Variants in IGSF5 observed in about 807,000 individuals in gnomAD.
IGSF5 encodes immunoglobulin superfamily 5 like.
A neutral mutation model predicts 39.4 loss-of-function variants in IGSF5; 41 were observed. The observed-to-expected ratio is 1.04, with a 90% CI of 0.81 to 1.35. The LOEUF (loss-of-function observed/expected upper bound fraction) is 1.35, where lower values mean the gene tolerates loss of function less well. Among genes scored for constraint, IGSF5 ranks in the 40% most tolerant of loss-of-function variants. IGSF5 has a pLI of 0.00. For missense variants in IGSF5, 487 were observed against 494.6 expected, an observed-to-expected ratio of 0.98 and a Z score of 0.15; for synonymous variants, 183 against 175.3, an observed-to-expected ratio of 1.04 and a Z score of -0.34.
intron 6 of IGSF5, among the ~76,000 whole-genome samples, chr21:39,789,608 G>A (rs1351653560): frequency 6.6e-6 from 1 of 151,900 alleles, no homozygotes; most frequent in Non-Finnish European, 1.5e-5. Flanking sequence ...AAAATTATAT[G>A]TATATAGTTG....
chr21:39,735,190 C>A, the IGSF5 span, among the ~76,000 whole-genome samples: 1 of 152,064 alleles, frequency 6.6e-6, no homozygotes, highest in African/African-American at 2.4e-5. Flanking sequence ...TTTTAAAAAA[C>A]AAATATATGC....
chr21:39,767,370 C>T (rs368169745), intron 3 of IGSF5, among the ~76,000 whole-genome samples: 6 of 152,260 alleles, frequency 3.9e-5, no homozygotes, highest in South Asian at 2.1e-4. Flanking sequence ...ATTCCCTGCA[C>T]ATTAAGTTGG....
chr21:39,762,732 A>G (rs2080067221), intron 2 of IGSF5, among the ~76,000 whole-genome samples: 1 of 152,206 alleles, frequency 6.6e-6, no homozygotes, highest in East Asian at 1.9e-4. Context: ...ATGTGATGCT[A>G]TGCCAGAGTC....
At position 39,765,685 on chromosome 21, in the gene IGSF5, T is replaced by C. The variant is rs1050479393; in HGVS notation, c.251T>C (p.Met84Thr). 1.2e-6 allele frequency: 2 copies of C among 1,614,110 alleles called. No homozygotes were observed. Among genetic ancestry groups the C allele is most frequent in the Non-Finnish European group, 1.7e-6 (2 of 1,180,014 alleles). ...SDMVVLSVRP[M>T]EPIITNDRFT... is the part of the protein sequence containing the mutation. ...ATGGTGGTGCTAAGCGTCAGGCCCA[T>C]GGAGCCCATCATCACCAATGACCGC... The change falls in exon 3 of 9, where the codon ATG (methionine) becomes ACG (threonine). Residue 84 changes from methionine to threonine, a missense_variant. Transcript: ENST00000380588.
chr21:39,746,966 G>T (rs527591276), intron 2 of IGSF5, among the ~76,000 whole-genome samples: 3 of 152,208 alleles, frequency 2.0e-5, no homozygotes, highest in Admixed American at 2.0e-4. Flanking sequence ...CCTAAGGAAG[G>T]TCAGCCCAAG....
At chr21:39,791,839 GTGCATA>G (rs2086967094) in intron 6 of IGSF5, 163 bp from the exon 7 acceptor site, 1 of 576,276 alleles carries the variant, frequency 1.7e-6, no homozygotes, top group South Asian at 2.5e-5. Context: ...GTAGGCAGGC[GTGCATA>G]CCTGCAACGC....
At chr21:39,740,887 A>G (rs2079945664), upstream of IGSF5, among the ~76,000 whole-genome samples, 1 of 152,192 alleles carries the variant, frequency 6.6e-6, no homozygotes, top group African/African-American at 2.4e-5. Flanking sequence ...TGAGTATGCC[A>G]TTCACATCAT....
the IGSF5 span, among the ~76,000 whole-genome samples, chr21:39,734,946 C>T: frequency 2.0e-5 from 3 of 152,070 alleles, no homozygotes; most frequent in African/African-American, 4.8e-5. Flanking sequence ...TCACTGTAAC[C>T]TCTGCCTTCT....
intron 4 of IGSF5, among the ~76,000 whole-genome samples, 173 bp downstream of exon 4, chr21:39,771,388 G>A (rs998216522): frequency 1.3e-5 from 2 of 152,104 alleles, no homozygotes; most frequent in African/African-American, 4.8e-5. Context: ...TTATACCCTC[G>A]TCTGCTTTTT....
At chr21:39,717,057 T>C in the IGSF5 span, among the ~76,000 whole-genome samples, 44 of 152,340 alleles carry the variant, frequency 2.9e-4, no homozygotes, top group African/African-American at 8.4e-4. Flanking sequence ...TTGTGTGAGA[T>C]GGTATCTCAC....
chr21:39,798,491 C>T (rs186675584), intron 8 of IGSF5, among the ~76,000 whole-genome samples: 33 of 152,200 alleles, frequency 2.2e-4, no homozygotes, highest in Non-Finnish European at 2.2e-4. Context: ...CAGCTCAGGG[C>T]GGTGTATGGC....
chr21:39,773,589 G>A (rs1273427234), intron 4 of IGSF5, among the ~76,000 whole-genome samples: 2 of 151,510 alleles, frequency 1.3e-5, no homozygotes, highest in Non-Finnish European at 2.9e-5. Context: ...TGGTCAGTTG[G>A]TGTCCCTCCA....
At chr21:39,714,977 C>T in the IGSF5 span, among the ~76,000 whole-genome samples, 7 of 152,200 alleles carry the variant, frequency 4.6e-5, no homozygotes, top group African/African-American at 1.4e-4. Context: ...CTGGGTGAGT[C>T]TACGGGCCTG....
chr21:39,788,032 A>T, intron 5 of IGSF5, 135 bp from the exon 6 acceptor site: 1 of 663,276 alleles, frequency 1.5e-6, no homozygotes, highest in Non-Finnish European at 2.6e-6. Flanking sequence ...GTATGGGAAA[A>T]CTTAATAATG....
upstream of IGSF5, among the ~76,000 whole-genome samples, chr21:39,745,165 C>G (rs940114101): frequency 2.0e-5 from 3 of 151,528 alleles, no homozygotes; most frequent in Non-Finnish European, 4.4e-5. Flanking sequence ...TCATCTCTCT[C>G]TCTCTCTCTC....
At chr21:39,755,525 T>C (rs1431237245) in intron 2 of IGSF5, among the ~76,000 whole-genome samples, 1 of 149,978 alleles carries the variant, frequency 6.7e-6, no homozygotes, top group Non-Finnish European at 1.5e-5. Flanking sequence ...AGGTGGAGCT[T>C]GCAGTGAGCC....
intron 8 of IGSF5, among the ~76,000 whole-genome samples, chr21:39,798,287 C>CTG (rs2087008907): frequency 2.0e-5 from 3 of 152,204 alleles, no homozygotes; most frequent in African/African-American, 7.2e-5. Context: ...TAACTTCACC[C>CTG]TGCACGATGG....
intron 2 of IGSF5, among the ~76,000 whole-genome samples, chr21:39,760,695 C>T (rs8130670): frequency 0.82 from 124,448 of 151,690 alleles, 51,218 homozygotes; most frequent in Admixed American, 0.86. Flanking sequence ...TTCAGCCTCC[C>T]GAGTAGCTGG....
Position 39,765,537 on chromosome 21 carries a change from T to A in IGSF5, c.103T>A (p.Ser35Thr). 6.2e-7 allele frequency: 1 copy of A among 1,610,002 alleles called. No homozygotes were observed. The highest frequency in any genetic ancestry group is 1.1e-5 in the South Asian group (1 of 91,050). Residue 35 changes from serine to threonine, a missense_variant and splice_region_variant, in exon 3 of 9, where the codon TCT (serine) becomes ACT (threonine). Ser to Thr is a moderately conservative substitution (Grantham distance 58). Transcript: ENST00000380588. The part of the protein sequence containing the change: ...RWWQTAVVDG[S>T]GSGNEVIEGP... ...TTGAAAAATTGGCTACCTTCCAGGT[T>A]CTGGGTCTGGTAATGAAGTCATAGA...
Sources: allele counts gnomAD v4.1 joint callset (sites outside exome capture counted in the v4.1 genomes callset), GRCh38; gene constraint gnomAD v4.1.1; transcripts MANE v1.5; gene names NCBI Gene and HGNC (gene_info 2026-07-23, HGNC 2026-07-21).